The following ZNF423 variants were observed in gnomAD, a reference collection of about 807,000 sequenced individuals.
ZNF423 encodes the protein Ebf-associated zinc finger protein.
In ZNF423, 12 loss-of-function variants were observed where a neutral mutation model predicts 95.8. The ratio of observed to expected loss-of-function variants is 0.13; its 90% CI spans 0.08 to 0.20. ZNF423 has a LOEUF of 0.20. Among genes scored for constraint, ZNF423 ranks in the 10% least tolerant of loss-of-function variants. The probability of loss-of-function intolerance (pLI) is 1.00; values close to 1 mark genes in which losing one functional copy is unlikely to be tolerated. For synonymous variants in ZNF423, 749 were observed against 711.9 expected, an observed-to-expected ratio of 1.05 and a Z score of -0.83; for missense variants, 1,316 against 1,737.1, an observed-to-expected ratio of 0.76 and a Z score of 4.31.
chr16:49,642,786 A>G (rs1338959350), intron 3 of ZNF423, among the ~76,000 whole-genome samples: 1 of 150,570 alleles, frequency 6.6e-6, no homozygotes, highest in Non-Finnish European at 1.5e-5. Flanking sequence ...TCAGCAGAGA[A>G]AGCGGTTCTC....
At chr16:49,845,653 A>G (rs986019555) in intron 1 of ZNF423, among the ~76,000 whole-genome samples, 3 of 151,236 alleles carry the variant, frequency 2.0e-5, no homozygotes, top group African/African-American at 7.3e-5. Context: ...TGATTCTCCC[A>G]CCTTAGCCTC....
At chr16:49,693,143 G>T (rs547087711) in intron 3 of ZNF423, among the ~76,000 whole-genome samples, 6 of 152,314 alleles carry the variant, frequency 3.9e-5, no homozygotes, top group African/African-American at 1.4e-4. Context: ...ACTTTAAATT[G>T]ATTAACACAT....
intron 3 of ZNF423, among the ~76,000 whole-genome samples, chr16:49,672,203 A>G (rs1181306773): frequency 6.6e-6 from 1 of 152,226 alleles, no homozygotes; most frequent in Non-Finnish European, 1.5e-5. Context: ...ATAGCTTCAC[A>G]TCAGCTCAGG....
intron 7 of ZNF423, among the ~76,000 whole-genome samples, chr16:49,504,050 A>G (rs1166799533): frequency 6.6e-6 from 1 of 152,244 alleles, no homozygotes; most frequent in Non-Finnish European, 1.5e-5. Flanking sequence ...TAAAACAGCC[A>G]AATCATAGAG....
chr16:49,816,068 G>A (rs2034851149), intron 1 of ZNF423, among the ~76,000 whole-genome samples: 2 of 150,924 alleles, frequency 1.3e-5, no homozygotes, highest in Non-Finnish European at 3.0e-5. Flanking sequence ...ACAAGCGCCC[G>A]CCACTACGCC....
At chr16:49,847,650 C>T (rs934310667) in intron 1 of ZNF423, 6 of 147,576 alleles carry the variant, frequency 4.1e-5, no homozygotes, top group South Asian at 2.3e-4. Flanking sequence ...ATGGCCTCAT[C>T]TTCTAAGCCT....
intron 5 of ZNF423, among the ~76,000 whole-genome samples, chr16:49,598,526 G>A (rs546922511): frequency 2.8e-4 from 43 of 152,360 alleles, no homozygotes; most frequent in Admixed American, 2.7e-3. Context: ...GAGAAAGGGG[G>A]CTGCCTGGAG....
At chr16:49,661,217 CAAA>C (rs397959711) in intron 3 of ZNF423, among the ~76,000 whole-genome samples, 6 of 97,776 alleles carry the variant, frequency 6.1e-5, no homozygotes, top group Admixed American at 1.3e-4. Flanking sequence ...GACTTCATCT[CAAA>C]AAAAAAAAAA....
intron 1 of ZNF423, among the ~76,000 whole-genome samples, chr16:49,829,454 T>C (rs1053121822): frequency 2.6e-5 from 4 of 152,064 alleles, no homozygotes; most frequent in Non-Finnish European, 4.4e-5. Flanking sequence ...TGACACCCTG[T>C]CTCTAAATAA....
intron 7 of ZNF423, among the ~76,000 whole-genome samples, chr16:49,508,001 G>A (rs1241151936): frequency 6.6e-6 from 1 of 152,178 alleles, no homozygotes. Context: ...TTAGTGTGGT[G>A]GTGAAGAGGA....
chr16:49,613,498 G>A (rs1051233849), intron 5 of ZNF423, among the ~76,000 whole-genome samples: 3 of 152,222 alleles, frequency 2.0e-5, no homozygotes, highest in Non-Finnish European at 2.9e-5. Context: ...TTCAACACCA[G>A]ATGGGCAACA....
intron 5 of ZNF423, among the ~76,000 whole-genome samples, chr16:49,624,624 C>T (rs1190415401): frequency 6.6e-6 from 1 of 152,096 alleles, no homozygotes; most frequent in Non-Finnish European, 1.5e-5. Context: ...TCAGAATGGG[C>T]CCATCAAGAA....
At chr16:49,547,022 A>G (rs1426503103) in intron 5 of ZNF423, among the ~76,000 whole-genome samples, 1 of 152,054 alleles carries the variant, frequency 6.6e-6, no homozygotes, top group Non-Finnish European at 1.5e-5. Context: ...AAAAAAAAAA[A>G]AAAACAATCA....
chr16:49,558,907 C>A (rs1157731783), intron 5 of ZNF423, among the ~76,000 whole-genome samples: 1 of 152,218 alleles, frequency 6.6e-6, no homozygotes, highest in Admixed American at 6.5e-5. Flanking sequence ...GGGGGTCCCA[C>A]CTGGAGGGGC....
chr16:49,711,625 T>C (rs1457852919), intron 3 of ZNF423: 2 of 152,162 alleles, frequency 1.3e-5, no homozygotes, highest in Non-Finnish European at 2.9e-5. Flanking sequence ...AATTAAACCA[T>C]GACAAGCCAC....
At chr16:49,825,175 C>T (rs1216931034) in intron 1 of ZNF423, among the ~76,000 whole-genome samples, 1 of 152,160 alleles carries the variant, frequency 6.6e-6, no homozygotes, top group African/African-American at 2.4e-5. Flanking sequence ...GATCACTTAA[C>T]AGCAAGAATG....
At chr16:49,653,600 C>T (rs1437188531) in intron 3 of ZNF423, among the ~76,000 whole-genome samples, 4 of 152,128 alleles carry the variant, frequency 2.6e-5, no homozygotes, top group Non-Finnish European at 5.9e-5. Context: ...TTTGCCACCT[C>T]CAGGGAAAGG....
chr16:49,613,210 T>C (rs925866300), intron 5 of ZNF423, among the ~76,000 whole-genome samples: 61 of 152,164 alleles, frequency 4.0e-4, no homozygotes, highest in African/African-American at 1.4e-3. Flanking sequence ...AAGAGCTAGA[T>C]AGCAACAATT....
intron 1 of ZNF423, among the ~76,000 whole-genome samples, chr16:49,836,121 C>A (rs1430945127): frequency 6.6e-6 from 1 of 152,186 alleles, no homozygotes; most frequent in Non-Finnish European, 1.5e-5. Context: ...CCCCCCCAGC[C>A]TAAATACCTT....
Sources: allele counts gnomAD v4.1 joint callset (sites outside exome capture counted in the v4.1 genomes callset), GRCh38; gene constraint gnomAD v4.1.1; transcripts MANE v1.5; gene names NCBI Gene and HGNC (gene_info 2026-07-23, HGNC 2026-07-21).